EFCAB6: variants seen among roughly 807,000 people sequenced by gnomAD.
The protein encoded by EFCAB6 is EF-hand calcium binding domain 6.
Under a neutral mutation model 169.8 loss-of-function variants are expected in EFCAB6, and 156 were observed. The observed-to-expected ratio is 0.92, with a 90% CI of 0.81 to 1.05. The LOEUF is 1.05. Ranked by LOEUF, EFCAB6 falls within the 50% of genes least tolerant of loss-of-function variation. EFCAB6 has a pLI of 0.00. For synonymous variants in EFCAB6, 698 were observed against 676.4 expected (o/e 1.03, Z -0.50); for missense variants, 1,800 against 1,829.1 (o/e 0.98, Z 0.29).
At chr22:43,591,111 G>GTTTTTTTTTTTTTTTTTTTTTTTTT (rs67053426) in intron 23 of EFCAB6, among the ~76,000 whole-genome samples, 1 of 131,090 alleles carries the variant, frequency 7.6e-6, no homozygotes, top group South Asian at 2.7e-4. Context: ...TTTGTTTTTT[G>GTTTTTTTTTTTTTTTTTTTTTTTTT]TTTTTTTTTT....
At chr22:43,598,049 C>T (rs181009105) in intron 23 of EFCAB6, among the ~76,000 whole-genome samples, 3 of 152,256 alleles carry the variant, frequency 2.0e-5, no homozygotes, top group South Asian at 2.1e-4. Flanking sequence ...CAGTGGCTCA[C>T]GCCTGTAAGA....
chr22:43,738,099 C>T (rs539615564), intron 6 of EFCAB6, among the ~76,000 whole-genome samples: 3 of 151,578 alleles, frequency 2.0e-5, no homozygotes, highest in Admixed American at 1.3e-4. Flanking sequence ...GATACATGCA[C>T]ACACACCATC....
At chr22:43,636,674 T>C (rs1267958408) in intron 17 of EFCAB6, among the ~76,000 whole-genome samples, 2 of 149,222 alleles carry the variant, frequency 1.3e-5, no homozygotes, top group African/African-American at 2.5e-5. Context: ...GCAACGGTGC[T>C]ACCTAGGTGC....
At chr22:43,725,235 G>A (rs999195175) in intron 8 of EFCAB6, among the ~76,000 whole-genome samples, 10 of 150,736 alleles carry the variant, frequency 6.6e-5, no homozygotes, top group African/African-American at 2.2e-4. Flanking sequence ...CCCGCCTACC[G>A]GGTTCAAGCA....
At chr22:43,613,191 A>T (rs1026980269) in intron 21 of EFCAB6, among the ~76,000 whole-genome samples, 27 of 147,994 alleles carry the variant, frequency 1.8e-4, no homozygotes, top group African/African-American at 6.4e-4. Context: ...TAACATATAT[A>T]TTAATATATT....
chr22:43,667,073 G>A (rs772535077), intron 17 of EFCAB6, 31 bp downstream of exon 17: 2 of 1,602,282 alleles, frequency 1.2e-6, no homozygotes, highest in Non-Finnish European at 1.7e-6. Context: ...ACTTCTGCAG[G>A]ATAGAAACAA....
intron 27 of EFCAB6, among the ~76,000 whole-genome samples, chr22:43,543,636 G>A (rs2047876307): frequency 6.6e-6 from 1 of 152,156 alleles, no homozygotes; most frequent in African/African-American, 2.4e-5. Context: ...AGAGGTCTGA[G>A]GGGATGAGCC....
intron 3 of EFCAB6, among the ~76,000 whole-genome samples, chr22:43,775,667 C>T (rs563431256): frequency 9.4e-4 from 143 of 152,340 alleles, no homozygotes; most frequent in Non-Finnish European, 1.2e-3. Flanking sequence ...TGGTCTCGAA[C>T]TCCTGACCTC....
In EFCAB6 at chr22:43,713,327, T is replaced by C. The variant is rs138332437; in HGVS notation, c.883-1704A>G. The stretch of plus-strand genomic sequence containing the variant: ...GCAGTCAGCACTCAATAAATATTTA[T>C]TAAAAGTGGGTATATTTTTATCAAA... On this transcript the variant is annotated intron_variant, in intron 9 of 31. Transcript: ENST00000262726. 7.1e-3 allele frequency among the ~76,000 whole-genome samples: 1,080 copies of C among 152,262 alleles called. 11 individuals are homozygous for C. Among genetic ancestry groups the C allele is most frequent in the African/African-American group, 0.025 (1,025 of 41,526 alleles).
intron 20 of EFCAB6, among the ~76,000 whole-genome samples, chr22:43,622,806 A>G (rs1414234360): frequency 1.3e-5 from 2 of 152,226 alleles, no homozygotes; most frequent in Admixed American, 6.5e-5. Flanking sequence ...GCAGGATGAG[A>G]TAATGTTGAA....
chr22:43,668,797 C>T (rs2057365984), intron 16 of EFCAB6, 75 bp downstream of exon 16: 2 of 1,289,698 alleles, frequency 1.6e-6, no homozygotes, highest in Non-Finnish European at 2.0e-6. Flanking sequence ...ACTCAGTTGA[C>T]AAATAGTTAC....
chr22:43,715,187 G>T (rs1178561560), intron 9 of EFCAB6, among the ~76,000 whole-genome samples: 1 of 152,178 alleles, frequency 6.6e-6, no homozygotes, highest in Non-Finnish European at 1.5e-5. Flanking sequence ...GACCTAATAA[G>T]TCTTGCGGGA....
chr22:43,740,399 T>A (rs1378033019), intron 6 of EFCAB6, among the ~76,000 whole-genome samples: 1 of 152,162 alleles, frequency 6.6e-6, no homozygotes, highest in Admixed American at 6.5e-5. Context: ...CCTCCTCACC[T>A]GCCTGGAAAA....
rs776967569 is a variant in EFCAB6 at position 43,683,904 on chromosome 22, TTTG to T, written c.1143-52_1143-50del. On this transcript the variant is annotated intron_variant, in intron 11 of 31. Transcript: ENST00000262726. Reference sequence around the variant, plus strand: ...CAGGAATAAGATTATGTTCTTGAACTTTGTTCTTTTCTTAATGCAAGAAACAAG... The same window carrying T: ...CAGGAATAAGATTATGTTCTTGAACTTTCTTTTCTTAATGCAAGAAACAAG... 2.8e-6 allele frequency: 4 copies of T among 1,441,240 alleles called. No individual in the cohort carries two copies. The Admixed American group carries it at 6.8e-5, about 24-fold the overall frequency. 89.3% of individuals were successfully genotyped at this position (1,441,240 alleles called of 1,614,324 possible). A position where few individuals can be genotyped will look rare whatever the true frequency, so the allele number is the denominator to read the frequency against.
At chr22:43,615,568 C>G (rs1452118182) in intron 21 of EFCAB6, among the ~76,000 whole-genome samples, 1 of 152,190 alleles carries the variant, frequency 6.6e-6, no homozygotes, top group Non-Finnish European at 1.5e-5. Context: ...ATTTTTAATT[C>G]ATATCCAGCC....
At chr22:43,741,267 G>A (rs1240430335) in intron 6 of EFCAB6, among the ~76,000 whole-genome samples, 1 of 151,976 alleles carries the variant, frequency 6.6e-6, no homozygotes, top group Non-Finnish European at 1.5e-5. Context: ...ATTCACAAGT[G>A]TACTGGGGCT....
rs1156784857 is a variant in EFCAB6, at chr22:43,608,509, G to C, written c.2654C>G (p.Pro885Arg). Residue 885 changes from proline to arginine, a missense_variant, in exon 22 of 32, where the codon CCA (proline) becomes CGA (arginine). Physicochemically the swap from Pro to Arg is moderately radical, Grantham distance 103. Transcript: ENST00000262726. ...ALYGFDIPLT[P>R]REFEKLWARY... ...TGCCCAAAGCTTTTCAAACTCTCTT[G>C]GTGTGAGGGGAATATCAAAACCGTA... 2 of 1,614,012 alleles carry C rather than the reference G, an allele frequency of 1.2e-6. No homozygotes were observed. The highest frequency in any genetic ancestry group is 1.7e-6 in the Non-Finnish European group (2 of 1,180,028).
chr22:43,633,981 G>C (rs1602772412), intron 18 of EFCAB6, among the ~76,000 whole-genome samples: 1 of 152,254 alleles, frequency 6.6e-6, no homozygotes, highest in South Asian at 2.1e-4. Context: ...ATGCAGCTTA[G>C]AGGGGCAAGG....
At chr22:43,634,103 C>T (rs745515862) in intron 18 of EFCAB6, among the ~76,000 whole-genome samples, 1 of 152,090 alleles carries the variant, frequency 6.6e-6, no homozygotes, top group Non-Finnish European at 1.5e-5. Flanking sequence ...GTGACGGCCT[C>T]GCCAGCACTG....
Sources: gnomAD v4.1 joint callset for allele counts (sites outside exome capture counted in the v4.1 genomes callset) on GRCh38, gnomAD v4.1.1 for gene constraint, MANE v1.5 for transcripts, NCBI Gene and HGNC (gene_info 2026-07-23, HGNC 2026-07-21) for gene names.